The following SGCZ variants were observed in gnomAD, a reference collection of about 807,000 sequenced individuals.
SGCZ encodes the protein sarcoglycan zeta.
In SGCZ, 40 loss-of-function variants were observed where a neutral mutation model predicts 41.3. The ratio of observed to expected loss-of-function variants is 0.97; its 90% confidence interval spans 0.75 to 1.26. SGCZ has a LOEUF of 1.26. SGCZ is among the 50% of genes most tolerant of loss of function. The pLI is 0.00. For synonymous variants in SGCZ, 206 were observed against 137.5 expected, an observed-to-expected ratio of 1.50 and a Z score of -3.49; for missense variants, 552 against 369.8, an observed-to-expected ratio of 1.49 and a Z score of -4.04.
intron 4 of SGCZ, among the ~76,000 whole-genome samples, chr8:14,236,258 G>C (rs183040449): frequency 6.6e-6 from 1 of 151,988 alleles, no homozygotes; most frequent in Non-Finnish European, 1.5e-5. Context: ...GAATCCATTT[G>C]CTAATAGCAC....
intron 1 of SGCZ, among the ~76,000 whole-genome samples, chr8:14,912,264 C>T (rs1799299245): frequency 6.6e-6 from 1 of 151,924 alleles, no homozygotes; most frequent in African/African-American, 2.4e-5. Context: ...CTTAATGACT[C>T]AAATGCAAAA....
At chr8:14,672,485 T>G (rs909108464) in intron 1 of SGCZ, among the ~76,000 whole-genome samples, 5 of 152,220 alleles carry the variant, frequency 3.3e-5, no homozygotes, top group Non-Finnish European at 5.9e-5. Context: ...GAAGTGCTAT[T>G]ATTAGAATAT....
At chr8:14,585,431 C>T (rs1258416501) in intron 1 of SGCZ, among the ~76,000 whole-genome samples, 1 of 151,802 alleles carries the variant, frequency 6.6e-6, no homozygotes, top group Non-Finnish European at 1.5e-5. Flanking sequence ...TCTATTTTTT[C>T]TATTTTCATT....
intron 1 of SGCZ, among the ~76,000 whole-genome samples, chr8:15,229,269 A>C (rs1375637843): frequency 6.6e-6 from 1 of 152,208 alleles, no homozygotes; most frequent in Admixed American, 6.5e-5. Flanking sequence ...CTGAAACATG[A>C]AAATAATTAA....
At chr8:14,517,628 G>T (rs1802661635) in intron 2 of SGCZ, among the ~76,000 whole-genome samples, 1 of 151,922 alleles carries the variant, frequency 6.6e-6, no homozygotes, top group South Asian at 2.1e-4. Context: ...ACAAAATATA[G>T]AAATTAACTG....
intron 1 of SGCZ, among the ~76,000 whole-genome samples, chr8:14,831,091 T>A (rs1802510258): frequency 6.6e-6 from 1 of 152,164 alleles, no homozygotes; most frequent in African/African-American, 2.4e-5. Flanking sequence ...TATGAGGAAG[T>A]CATTTCTTCT....
intron 3 of SGCZ, among the ~76,000 whole-genome samples, chr8:14,306,026 T>G (rs1179222685): frequency 6.6e-6 from 1 of 152,140 alleles, no homozygotes; most frequent in African/African-American, 2.4e-5. Context: ...CCAGGTCACT[T>G]TGTGTAAACA....
chr8:14,829,871 G>T (rs1563299449), intron 1 of SGCZ, among the ~76,000 whole-genome samples: 1 of 152,076 alleles, frequency 6.6e-6, no homozygotes, highest in Non-Finnish European at 1.5e-5. Context: ...GAGTGCAGTG[G>T]CGCGATCTCG....
intron 1 of SGCZ, among the ~76,000 whole-genome samples, chr8:14,769,793 T>TAAAAAAAAAAAAAAAAA (rs565416806): frequency 5.7e-4 from 30 of 52,176 alleles, no homozygotes; most frequent in South Asian, 6.4e-4. Flanking sequence ...AAAACACCAT[T>TAAAAAAAAAAAAAAAAA]AAAAAAAAAA....
intron 2 of SGCZ, among the ~76,000 whole-genome samples, chr8:14,393,031 T>G (rs1804831519): frequency 6.6e-6 from 1 of 152,182 alleles, no homozygotes; most frequent in African/African-American, 2.4e-5. Flanking sequence ...CAGTAATTAT[T>G]CCAGGTAGTG....
At chr8:14,537,832 G>A (rs1025200781) in intron 2 of SGCZ, among the ~76,000 whole-genome samples, 3 of 151,942 alleles carry the variant, frequency 2.0e-5, no homozygotes, top group African/African-American at 4.8e-5. Context: ...AGATATAAAT[G>A]TGAAAGTGTG....
At chr8:14,999,778 T>A (rs375217487) in intron 1 of SGCZ, among the ~76,000 whole-genome samples, 23 of 152,162 alleles carry the variant, frequency 1.5e-4, no homozygotes, top group African/African-American at 5.1e-4. Context: ...CCAACTCCCA[T>A]GCACCATGCA....
At chr8:14,359,546 G>C (rs992698729) in intron 2 of SGCZ, among the ~76,000 whole-genome samples, 4 of 151,514 alleles carry the variant, frequency 2.6e-5, no homozygotes, top group African/African-American at 7.3e-5. Flanking sequence ...GATCACAATG[G>C]AATAAAACTT....
At chr8:14,969,556 C>T (rs1361425964) in intron 1 of SGCZ, among the ~76,000 whole-genome samples, 1 of 151,876 alleles carries the variant, frequency 6.6e-6, no homozygotes, top group Admixed American at 6.6e-5. Flanking sequence ...TCCAAGCAAC[C>T]CTAATCTGCT....
intron 1 of SGCZ, among the ~76,000 whole-genome samples, chr8:14,567,004 C>T (rs1053320245): frequency 1.6e-4 from 24 of 152,276 alleles, no homozygotes; most frequent in Admixed American, 9.8e-4. Context: ...GCGGAGGGTG[C>T]ACCAGGTCCC....
chr8:14,493,763 T>C (rs1384163772), intron 2 of SGCZ, among the ~76,000 whole-genome samples: 1 of 152,126 alleles, frequency 6.6e-6, no homozygotes, highest in African/African-American at 2.4e-5. Context: ...TCCCTAAATA[T>C]GAAAGGCTTT....
rs566729556 is a variant in SGCZ at position 14,603,244 on chromosome 8, C to T, written c.40-48318G>A. 5.9e-5 allele frequency among the ~76,000 whole-genome samples: 9 copies of T among 152,232 alleles called. No homozygotes were observed. The South Asian group carries it at 1.0e-3, about 18-fold the overall frequency. ...AAAGGCCTTGAAAATTAAAGTCACT[C>T]AGCAACGTTAGACATTGAAAATTAA... On this transcript the variant is annotated intron_variant, in intron 1 of 7. Coordinates refer to ENST00000382080, the MANE Select transcript of SGCZ (RefSeq NM_139167.4).
intron 1 of SGCZ, among the ~76,000 whole-genome samples, chr8:14,951,143 C>A (rs952197720): frequency 1.3e-5 from 2 of 151,682 alleles, no homozygotes; most frequent in African/African-American, 2.4e-5. Flanking sequence ...TATGTTTAGT[C>A]CCATTTATCA....
chr8:14,950,676 C>G lies in SGCZ; in HGVS notation c.39+286909G>C, dbSNP rs148056681. Among the ~76,000 whole-genome samples, 1,324 of 151,976 alleles carry G rather than the reference C, an allele frequency of 8.7e-3. 20 individuals are homozygous for G. The highest frequency in any genetic ancestry group is 0.029 in the African/African-American group (1,224 of 41,502). On this transcript the variant is annotated intron_variant, in intron 1 of 7. Coordinates refer to ENST00000382080, the MANE Select transcript of SGCZ (RefSeq NM_139167.4). ...GAAAAAAATTCCAGAAATACAGGCA[C>G]TCATGTAGAAGCAAGATTTGAGAAA...
Sources: gnomAD v4.1 joint callset for allele counts (sites outside exome capture counted in the v4.1 genomes callset) on GRCh38, gnomAD v4.1.1 for gene constraint, MANE v1.5 for transcripts, NCBI Gene and HGNC (gene_info 2026-07-23, HGNC 2026-07-21) for gene names.